The following CAMKMT variants were observed in gnomAD, a reference collection of about 807,000 sequenced individuals.
CAMKMT encodes the protein calmodulin-lysine N-methyltransferase, also known as CaM KMT.
Under a neutral mutation model 48.0 loss-of-function variants are expected in CAMKMT, and 53 were observed. That is an observed-to-expected ratio of 1.10 (90% confidence interval 0.89 to 1.39). CAMKMT has a LOEUF of 1.39. CAMKMT is among the 40% of genes most tolerant of loss of function. The pLI is 0.00. For missense variants in CAMKMT, 428 were observed against 402.7 expected (o/e 1.06, Z -0.54); for synonymous variants, 165 against 152.3 (o/e 1.08, Z -0.61).
intron 3 of CAMKMT, among the ~76,000 whole-genome samples, chr2:44,658,363 C>T (rs1397971232): frequency 6.6e-6 from 1 of 152,138 alleles, no homozygotes; most frequent in Non-Finnish European, 1.5e-5. Context: ...AAGGAAAATA[C>T]AAGATAGTTG....
At chr2:44,422,502 G>T (rs1426859915) in intron 3 of CAMKMT, among the ~76,000 whole-genome samples, 2 of 152,164 alleles carry the variant, frequency 1.3e-5, no homozygotes, top group African/African-American at 2.4e-5. Flanking sequence ...CAACGTGCAG[G>T]ATCAGTCTTG....
chr2:44,613,882 G>A (rs915082561), intron 3 of CAMKMT, among the ~76,000 whole-genome samples: 6 of 152,282 alleles, frequency 3.9e-5, no homozygotes, highest in African/African-American at 1.4e-4. Flanking sequence ...TCTATGGAAT[G>A]AAGAGGTTCA....
chr2:44,448,739 A>T (rs758935151), intron 3 of CAMKMT, among the ~76,000 whole-genome samples: 5 of 152,212 alleles, frequency 3.3e-5, no homozygotes, highest in Non-Finnish European at 5.9e-5. Context: ...ATTCTGAGGC[A>T]TTATTTTGTA....
intron 3 of CAMKMT, among the ~76,000 whole-genome samples, chr2:44,674,578 G>A (rs1006856457): frequency 1.3e-5 from 2 of 152,166 alleles, no homozygotes; most frequent in African/African-American, 2.4e-5. Context: ...CTGCTGCGAA[G>A]CCCCCAACCT....
At chr2:44,482,722 C>T (rs1669033286) in intron 3 of CAMKMT, among the ~76,000 whole-genome samples, 1 of 151,998 alleles carries the variant, frequency 6.6e-6, no homozygotes, top group Non-Finnish European at 1.5e-5. Context: ...AGGCCTGAAA[C>T]TCTGTAGAAT....
At chr2:44,567,278 T>G (rs1011941485) in intron 3 of CAMKMT, among the ~76,000 whole-genome samples, 1 of 152,178 alleles carries the variant, frequency 6.6e-6, no homozygotes, top group East Asian at 1.9e-4. Context: ...GTTGGGCTCA[T>G]GTGACATATG....
intron 3 of CAMKMT, among the ~76,000 whole-genome samples, chr2:44,580,836 G>T (rs1259502414): frequency 1.3e-5 from 2 of 152,054 alleles, no homozygotes; most frequent in East Asian, 3.9e-4. Flanking sequence ...GATCTGCCCC[G>T]GTCAGTTGTT....
chr2:44,563,664 C>T (rs1199530063), intron 3 of CAMKMT, among the ~76,000 whole-genome samples: 1 of 152,068 alleles, frequency 6.6e-6, no homozygotes, highest in Non-Finnish European at 1.5e-5. Flanking sequence ...TGATGTTCCC[C>T]ACCCTGTGTC....
At chr2:44,662,298 A>T (rs1464623387) in intron 3 of CAMKMT, among the ~76,000 whole-genome samples, 1 of 152,210 alleles carries the variant, frequency 6.6e-6, no homozygotes, top group Admixed American at 6.5e-5. Context: ...CTAGAATGAC[A>T]ATCAGTGCTT....
chr2:44,702,871 C>T (rs529734617), intron 3 of CAMKMT, among the ~76,000 whole-genome samples: 6 of 152,308 alleles, frequency 3.9e-5, no homozygotes, highest in African/African-American at 1.4e-4. Context: ...GTTTACTTAA[C>T]ATTTCTTTAA....
At chr2:44,766,594 A>T in intron 10 of CAMKMT, 33 bp downstream of exon 10, 2 of 1,609,824 alleles carry the variant, frequency 1.2e-6, no homozygotes, top group East Asian at 4.5e-5. Context: ...ATAACACTTT[A>T]ATCCGCATTG....
chr2:44,761,818 T>C, intron 9 of CAMKMT, among the ~76,000 whole-genome samples: 1 of 152,196 alleles, frequency 6.6e-6, no homozygotes, highest in African/African-American at 2.4e-5. Context: ...ATTTGATGGA[T>C]CCTTCCCTGG....
At chr2:44,540,093 A>G (rs1667011752) in intron 3 of CAMKMT, among the ~76,000 whole-genome samples, 1 of 152,050 alleles carries the variant, frequency 6.6e-6, no homozygotes, top group Non-Finnish European at 1.5e-5. Flanking sequence ...TCCCTTCTAC[A>G]TTCATTAATT....
intron 3 of CAMKMT, among the ~76,000 whole-genome samples, chr2:44,464,504 A>G (rs1036246757): frequency 3.3e-5 from 5 of 152,224 alleles, no homozygotes; most frequent in African/African-American, 1.2e-4. Context: ...GACTGTAGAT[A>G]TGATGAATCA....
chr2:44,633,600 A>G (rs1301895923), intron 3 of CAMKMT, among the ~76,000 whole-genome samples: 1 of 151,898 alleles, frequency 6.6e-6, no homozygotes, highest in Non-Finnish European at 1.5e-5. Flanking sequence ...CTAAGAGTTC[A>G]TTTGTTTTCT....
intron 3 of CAMKMT, among the ~76,000 whole-genome samples, chr2:44,572,754 C>T (rs1301509031): frequency 6.6e-6 from 1 of 152,126 alleles, no homozygotes; most frequent in African/African-American, 2.4e-5. Flanking sequence ...CAGGTGTACA[C>T]ATGTCTACTG....
chr2:44,640,246 C>G (rs1673375094), intron 3 of CAMKMT, among the ~76,000 whole-genome samples: 1 of 152,128 alleles, frequency 6.6e-6, no homozygotes, highest in African/African-American at 2.4e-5. Context: ...AACACTGGTT[C>G]TTAATACTTA....
chr2:44,533,033 C>T (rs1054646505), intron 3 of CAMKMT, among the ~76,000 whole-genome samples: 7 of 151,104 alleles, frequency 4.6e-5, no homozygotes, highest in African/African-American at 1.2e-4. Flanking sequence ...AGGCTGGCCT[C>T]GAACTCCTGA....
At chr2:44,478,746 G>A (rs1436449332) in intron 3 of CAMKMT, among the ~76,000 whole-genome samples, 4 of 148,486 alleles carry the variant, frequency 2.7e-5, no homozygotes, top group African/African-American at 7.4e-5. Context: ...TGTCGCCCAG[G>A]CTGGAGTGCA....
Sources: gnomAD v4.1 joint callset for allele counts (sites outside exome capture counted in the v4.1 genomes callset) on GRCh38, gnomAD v4.1.1 for gene constraint, MANE v1.5 for transcripts, NCBI Gene and HGNC (gene_info 2026-07-23, HGNC 2026-07-21) for gene names.